Variants in IGSF10 observed in about 807,000 individuals in gnomAD.
IGSF10 encodes the protein immunoglobulin superfamily member 10.
IGSF10 carries 126 observed loss-of-function variants against 128.2 expected under a neutral mutation model. That is an observed-to-expected ratio of 0.98 (90% CI 0.85 to 1.14). The LOEUF is 1.14. Ranked by LOEUF, IGSF10 falls within the 50% of genes most tolerant of loss-of-function variation. The pLI is 0.00. For missense variants in IGSF10, 3,295 were observed against 3,149.8 expected (o/e 1.05, Z -1.10); for synonymous variants, 1,185 against 1,146.2 (o/e 1.03, Z -0.68).
the IGSF10 span, among the ~76,000 whole-genome samples, chr3:151,469,554 G>C: frequency 3.9e-5 from 6 of 152,070 alleles, no homozygotes; most frequent in Non-Finnish European, 8.8e-5. Flanking sequence ...TTGTTATGCT[G>C]TCTACAGAAA....
chr3:151,608,081 C>T, the IGSF10 span, among the ~76,000 whole-genome samples: 1 of 151,962 alleles, frequency 6.6e-6, no homozygotes, highest in Non-Finnish European at 1.5e-5. Flanking sequence ...TTTAAAATTT[C>T]TTAAAAATAC....
At chr3:151,527,237 C>T in the IGSF10 span, among the ~76,000 whole-genome samples, 1 of 152,182 alleles carries the variant, frequency 6.6e-6, no homozygotes, top group Non-Finnish European at 1.5e-5. Flanking sequence ...GCTCACCTAA[C>T]CTAATAGGCC....
the IGSF10 span, among the ~76,000 whole-genome samples, chr3:151,467,806 C>A: frequency 6.6e-6 from 1 of 151,808 alleles, no homozygotes; most frequent in East Asian, 1.9e-4. Context: ...ATGGCGTGAA[C>A]CCCGGGGTCA....
At chr3:151,600,335 T>A in the IGSF10 span, among the ~76,000 whole-genome samples, 1 of 152,174 alleles carries the variant, frequency 6.6e-6, no homozygotes, top group Non-Finnish European at 1.5e-5. Flanking sequence ...GGTCTCCTAG[T>A]CCTGCTTACC....
chr3:151,566,793 C>T, the IGSF10 span, among the ~76,000 whole-genome samples: 9 of 152,178 alleles, frequency 5.9e-5, no homozygotes, highest in African/African-American at 2.2e-4. Context: ...CAAGTCCTGT[C>T]ACAATTTTTA....
At chr3:151,612,340 GC>G in the IGSF10 span, among the ~76,000 whole-genome samples, 3 of 152,138 alleles carry the variant, frequency 2.0e-5, no homozygotes, top group African/African-American at 7.2e-5. Context: ...ACAATCCTAG[GC>G]TGTTCTAATC....
At chr3:151,599,262 G>T in the IGSF10 span, among the ~76,000 whole-genome samples, 1 of 152,140 alleles carries the variant, frequency 6.6e-6, no homozygotes, top group Non-Finnish European at 1.5e-5. Context: ...GTCTGGGGTG[G>T]GCGGGGCTGA....
the IGSF10 span, among the ~76,000 whole-genome samples, chr3:151,515,137 T>C: frequency 1.3e-5 from 2 of 152,282 alleles, no homozygotes; most frequent in East Asian, 1.9e-4. Context: ...CAAAGTATTA[T>C]AAATCATGCT....
chr3:151,449,374 G>A, intron 5 of IGSF10, 109 bp from the exon 6 acceptor site: 1 of 1,085,588 alleles, frequency 9.2e-7, no homozygotes, highest in Non-Finnish European at 1.3e-6. Flanking sequence ...GGAAATTTTA[G>A]TGTTCAATGG....
the IGSF10 span, among the ~76,000 whole-genome samples, chr3:151,547,427 TATACACAC>T: frequency 4.3e-5 from 6 of 140,676 alleles, no homozygotes; most frequent in African/African-American, 8.3e-5. Flanking sequence ...TAAATATATA[TATACACAC>T]ACACACACAC....
chr3:151,611,706 T>C, the IGSF10 span, among the ~76,000 whole-genome samples: 1 of 152,176 alleles, frequency 6.6e-6, no homozygotes, highest in Non-Finnish European at 1.5e-5. Context: ...GTTAGCCCAA[T>C]AAAAACAAAC....
At chr3:151,476,682 C>T in the IGSF10 span, among the ~76,000 whole-genome samples, 11 of 152,166 alleles carry the variant, frequency 7.2e-5, no homozygotes, top group Admixed American at 6.5e-4. Flanking sequence ...GAATCTTACA[C>T]TCACCACAGG....
the IGSF10 span, among the ~76,000 whole-genome samples, chr3:151,538,983 C>A: frequency 6.6e-6 from 1 of 151,874 alleles, no homozygotes; most frequent in Admixed American, 6.6e-5. Context: ...TGAAGAGGCA[C>A]GATAAAGAGC....
At chr3:151,575,122 A>AG in the IGSF10 span, among the ~76,000 whole-genome samples, 1 of 152,124 alleles carries the variant, frequency 6.6e-6, no homozygotes, top group Admixed American at 6.5e-5. Flanking sequence ...TTTGTCTCAG[A>AG]GGGGCACCTG....
Position 151,437,170 on chromosome 3 carries a change from ATATTTGGC to A in IGSF10, c.7383_7390del (p.Lys2461AsnfsTer17). 6.2e-7 allele frequency: 1 copy of A among 1,614,144 alleles called. No individual in the cohort carries two copies. The highest frequency in any genetic ancestry group is 1.1e-5 in the South Asian group (1 of 91,072). On this transcript the variant is annotated frameshift_variant, in exon 8 of 8. Coordinates refer to ENST00000282466, the MANE Select transcript of IGSF10 (RefSeq NM_178822.5). LOFTEE classifies it low-confidence loss of function (END_TRUNC). The stretch of plus-strand genomic sequence containing the variant: ...ATAACCACTTGGCATAGTCCATTTG[ATATTTGGC>A]TTAGGGATTCCATCAGACACACAAT...
chr3:151,469,855 A>T, the IGSF10 span, among the ~76,000 whole-genome samples: 1 of 152,220 alleles, frequency 6.6e-6, no homozygotes, highest in East Asian at 1.9e-4. Flanking sequence ...AGCCAAAAGG[A>T]TGAGGTTGAA....
At position 151,445,586 on chromosome 3, in the gene IGSF10, GA is replaced by G. The variant is rs781703729; in HGVS notation, c.4394del (p.Phe1465SerfsTer2). On this transcript the variant is annotated frameshift_variant, in exon 6 of 8. Transcript: ENST00000282466. LOFTEE classifies it high-confidence loss of function. ...AIIRHSTIPP[F>X]LSSSATLMPV... ...GCATTAGAGTAGCACTGCTGCTCAA[GA>G]ATGGTGGTATGGTTGAGTGTCTAAT... 7.4e-6 allele frequency: 12 copies of G among 1,613,994 alleles called. No individual in the cohort carries two copies. The highest frequency in any genetic ancestry group is 2.7e-5 in the African/African-American group (2 of 74,932).
Position 151,437,142 on chromosome 3 carries a change from T to C in IGSF10, c.7419A>G (p.Val2473=), listed in dbSNP as rs756088765. 6.2e-7 allele frequency: 1 copy of C among 1,614,210 alleles called. No individual in the cohort carries two copies. Among genetic ancestry groups the C allele is most frequent in the African/African-American group, 1.3e-5 (1 of 75,060 alleles). The change falls in exon 8 of 8, where the codon GTA becomes GTG. Residue 2473 remains valine (V), a synonymous_variant. Coordinates refer to ENST00000282466, the MANE Select transcript of IGSF10 (RefSeq NM_178822.5). ...NIKWTMPSGY[V]VDRPQINGKY... is the part of the protein sequence containing the mutation. ...TCCCATTAATTTGAGGCCTGTCTAC[T>C]ACATAACCACTTGGCATAGTCCATT...
chr3:151,497,891 A>G, the IGSF10 span, among the ~76,000 whole-genome samples: 23 of 152,268 alleles, frequency 1.5e-4, no homozygotes, highest in Admixed American at 7.2e-4. Context: ...GAGGTCCTCC[A>G]TGTCCCTTTT....
Sources: allele counts gnomAD v4.1 joint callset (sites outside exome capture counted in the v4.1 genomes callset), GRCh38; gene constraint gnomAD v4.1.1; transcripts MANE v1.5; gene names NCBI Gene and HGNC (gene_info 2026-07-23, HGNC 2026-07-21).